The following ZNF532 variants were observed in gnomAD, a reference collection of about 807,000 sequenced individuals.
ZNF532 encodes zinc finger protein 532.
ZNF532 carries 22 observed loss-of-function variants against 89.3 expected under a neutral mutation model. The ratio of observed to expected loss-of-function variants is 0.25; its 90% CI spans 0.18 to 0.35. The LOEUF is 0.35. Ranked by LOEUF, ZNF532 falls within the 10% of genes least tolerant of loss-of-function variation. ZNF532 has a pLI of 1.00. For missense variants in ZNF532, 1,132 were observed against 1,643.4 expected, an observed-to-expected ratio of 0.69 and a Z score of 5.38; for synonymous variants, 606 against 649.6, an observed-to-expected ratio of 0.93 and a Z score of 1.02.
rs571895604 is a variant in ZNF532 at position 58,915,396 on chromosome 18, TCCCCCATGA to T, written c.-17-2874_-17-2866del. ...CTGCTTCACGCTGGACTCCCCCACG[TCCCCCATGA>T]GAAGAGTATAAACCTTAGGTGGAGT... On this transcript the variant is annotated intron_variant, in intron 2 of 9. Coordinates refer to ENST00000591808, the MANE Select transcript of ZNF532 (RefSeq NM_001375912.1). Among the ~76,000 whole-genome samples the T allele has an allele frequency of 1.2e-4, 18 of 152,160 alleles. No individual in the cohort carries two copies. In the South Asian group the frequency reaches 2.1e-3, roughly 18 times the overall value.
intron 2 of ZNF532, among the ~76,000 whole-genome samples, chr18:58,909,915 CT>C (rs1461417147): frequency 6.6e-6 from 1 of 152,124 alleles, no homozygotes; most frequent in Admixed American, 6.5e-5. Flanking sequence ...TGGGTTTTCC[CT>C]TTTTAACTTT....
chr18:58,934,236 A>G (rs769908188), intron 3 of ZNF532, 197 bp from the exon 4 acceptor site: 28 of 523,068 alleles, frequency 5.4e-5, no homozygotes, highest in Non-Finnish European at 9.1e-5. Flanking sequence ...TAGATAGCAC[A>G]TACTGTGATT....
intron 7 of ZNF532, among the ~76,000 whole-genome samples, chr18:58,964,943 AT>A (rs2065774244): frequency 6.7e-6 from 1 of 148,938 alleles, no homozygotes; most frequent in Non-Finnish European, 1.5e-5. Flanking sequence ...TTTACTTCAT[AT>A]ATTTCTTATA....
At chr18:58,920,779 TGTGTGTGTGTG>T in intron 3 of ZNF532, 146 bp downstream of exon 3, 2 of 614,422 alleles carry the variant, frequency 3.3e-6, no homozygotes, top group Non-Finnish European at 5.3e-6. Flanking sequence ...TGTGTGTGTG[TGTGTGTGTGTG>T]TTTGGGGAGG....
chr18:58,951,437 G>A (rs1047050275), intron 6 of ZNF532, among the ~76,000 whole-genome samples: 8 of 152,094 alleles, frequency 5.3e-5, no homozygotes, highest in African/African-American at 1.9e-4. Context: ...GAGGGTTTTA[G>A]GTTTTGTTTT....
intron 2 of ZNF532, among the ~76,000 whole-genome samples, chr18:58,904,020 C>G (rs1000966289): frequency 1.4e-4 from 21 of 152,124 alleles, no homozygotes; most frequent in Non-Finnish European, 2.9e-5. Context: ...TAATAGGTGG[C>G]CTTTTTGCTT....
chr18:58,946,107 A>G (rs2063627408), intron 5 of ZNF532, among the ~76,000 whole-genome samples: 1 of 152,208 alleles, frequency 6.6e-6, no homozygotes, highest in African/African-American at 2.4e-5. Context: ...AGCAATAAAA[A>G]TACATATACT....
At chr18:58,953,391 A>G (rs2064421059) in intron 6 of ZNF532, 127 bp from the exon 7 acceptor site, 6 of 781,206 alleles carry the variant, frequency 7.7e-6, no homozygotes, top group Non-Finnish European at 1.2e-5. Context: ...TTTTCTTTAT[A>G]TATTAAATAT....
At chr18:58,928,398 T>G (rs1223652941) in intron 3 of ZNF532, among the ~76,000 whole-genome samples, 1 of 152,208 alleles carries the variant, frequency 6.6e-6, no homozygotes, top group Non-Finnish European at 1.5e-5. Context: ...GAAGCACCAC[T>G]TCCTTATGAA....
chr18:58,977,270 CA>C (rs1348300319), intron 7 of ZNF532, among the ~76,000 whole-genome samples: 1 of 152,156 alleles, frequency 6.6e-6, no homozygotes, highest in East Asian at 1.9e-4. Flanking sequence ...ATTACAAGAG[CA>C]TTTCCTGAGC....
At chr18:58,963,273 A>G (rs551125199) in intron 7 of ZNF532, among the ~76,000 whole-genome samples, 11 of 152,274 alleles carry the variant, frequency 7.2e-5, no homozygotes, top group African/African-American at 1.9e-4. Context: ...AAGTCCATAG[A>G]TTTCATCTGC....
intron 7 of ZNF532, among the ~76,000 whole-genome samples, chr18:58,967,499 T>C (rs1449020812): frequency 6.6e-6 from 1 of 152,212 alleles, no homozygotes; most frequent in Non-Finnish European, 1.5e-5. Context: ...TGCCTGCCTG[T>C]GAGCTAGTTA....
chr18:58,872,613 G>C (rs554933064), intron 2 of ZNF532, among the ~76,000 whole-genome samples: 5 of 152,058 alleles, frequency 3.3e-5, no homozygotes, highest in Non-Finnish European at 5.9e-5. Flanking sequence ...GTAACCAATA[G>C]CAGGTTTAGA....
intron 7 of ZNF532, among the ~76,000 whole-genome samples, chr18:58,967,545 C>A (rs765167316): frequency 6.6e-6 from 1 of 152,222 alleles, no homozygotes; most frequent in Non-Finnish European, 1.5e-5. Flanking sequence ...CCCTGCCCCC[C>A]CGTGCACCCT....
rs147557297 is a variant in ZNF532, at chr18:58,919,454, A to G, written c.1167A>G (p.Gly389=). 1.0e-3 allele frequency: 1,666 copies of G among 1,614,190 alleles called. 2 individuals carry two copies. Among genetic ancestry groups the G allele is most frequent in the Non-Finnish European group, 1.2e-3 (1,435 of 1,180,036 alleles). Reference sequence around the variant, plus strand: ...TGCCAGAAGTGGATCTTGACTCTGGAAAGAAACCTTCCGAGCAGACAGCGT... The same window carrying G: ...TGCCAGAAGTGGATCTTGACTCTGGGAAGAAACCTTCCGAGCAGACAGCGT... ...RVLPEVDLDS[G]KKPSEQTASV... The change falls in exon 3 of 10, where the codon GGA becomes GGG. Residue 389 remains glycine (G), a synonymous_variant. Coordinates refer to ENST00000591808, the MANE Select transcript of ZNF532 (RefSeq NM_001375912.1). The surrounding 1 kb of genome is among the most constrained non-coding windows in gnomAD (Gnocchi z 6.1).
chr18:58,948,022 T>C, intron 5 of ZNF532, 45 bp from the exon 6 acceptor site: 1 of 1,562,886 alleles, frequency 6.4e-7, no homozygotes, highest in Non-Finnish European at 8.7e-7. Flanking sequence ...TCCTTTGACT[T>C]AAAGAGGCTG....
At position 58,982,738 on chromosome 18, in the gene ZNF532, G is replaced by A. The variant is rs59423739; in HGVS notation, c.3411+1121G>A. Among the ~76,000 whole-genome samples, 329 of 152,248 alleles carry A rather than the reference G, an allele frequency of 2.2e-3. 2 individuals carry two copies. The highest frequency in any genetic ancestry group is 0.014 in the Middle Eastern group (4 of 294). ...ATGTGCTTTCAAGGAGTTAATCATC[G>A]AGTAAAACCTCCTCAGAATATAAGT... On this transcript the variant is annotated intron_variant, in intron 9 of 9. Coordinates refer to ENST00000591808, the MANE Select transcript of ZNF532 (RefSeq NM_001375912.1).
At chr18:58,951,413 AT>A (rs2064143926) in intron 6 of ZNF532, among the ~76,000 whole-genome samples, 1 of 152,178 alleles carries the variant, frequency 6.6e-6, no homozygotes, top group South Asian at 2.1e-4. Context: ...CTAGAAACTT[AT>A]GAAAAGTTGC....
At chr18:58,918,137 G>A (rs1327337037) in intron 2 of ZNF532, 134 bp from the exon 3 acceptor site, 6 of 773,910 alleles carry the variant, frequency 7.8e-6, no homozygotes, top group East Asian at 5.4e-5. Flanking sequence ...TCAGAGTTTC[G>A]TAGTTACCGT....
Sources: allele counts gnomAD v4.1 joint callset (sites outside exome capture counted in the v4.1 genomes callset), GRCh38; gene constraint gnomAD v4.1.1; non-coding constraint Gnocchi (gnomAD v3.1); transcripts MANE v1.5; gene names NCBI Gene and HGNC (gene_info 2026-07-23, HGNC 2026-07-21).